The following NBAS variants were observed in gnomAD, a reference collection of about 807,000 sequenced individuals.
NBAS encodes NAG/BC035112 fusion.
In NBAS, 219 loss-of-function variants were observed where a neutral mutation model predicts 302.5. The observed-to-expected ratio is 0.72, with a 90% CI of 0.65 to 0.81. NBAS has a LOEUF of 0.81. NBAS is among the 30% of genes least tolerant of loss of function. The probability of loss-of-function intolerance (pLI) is 0.00; values close to 1 mark genes in which losing one functional copy is unlikely to be tolerated. For missense variants in NBAS, 2,932 were observed against 2,841.6 expected, an observed-to-expected ratio of 1.03 and a Z score of -0.72; for synonymous variants, 1,118 against 1,021.6, an observed-to-expected ratio of 1.09 and a Z score of -1.80.
At chr2:15,028,901 T>C in the NBAS span, among the ~76,000 whole-genome samples, 2 of 152,186 alleles carry the variant, frequency 1.3e-5, no homozygotes, top group African/African-American at 2.4e-5. Context: ...TAATTCTTTC[T>C]CTCTCCCCAG....
At chr2:15,127,477 C>A in the NBAS span, among the ~76,000 whole-genome samples, 1 of 152,146 alleles carries the variant, frequency 6.6e-6, no homozygotes, top group African/African-American at 2.4e-5. Context: ...TAATGACCTG[C>A]AATAAATCCA....
chr2:15,266,071 G>A (rs2148028503), intron 44 of NBAS, among the ~76,000 whole-genome samples: 1 of 152,296 alleles, frequency 6.6e-6, no homozygotes, highest in Admixed American at 6.5e-5. Flanking sequence ...TGCTGTGATA[G>A]TGAGTGAGTT....
At chr2:14,780,684 G>A in the NBAS span, among the ~76,000 whole-genome samples, 6 of 152,118 alleles carry the variant, frequency 3.9e-5, no homozygotes, top group African/African-American at 1.2e-4. Flanking sequence ...AGAGATCTTC[G>A]AAGGACAAGT....
Position 15,201,245 on chromosome 2 carries a change from T to C in NBAS, c.6433-10842A>G, listed in dbSNP as rs188162326. Reference sequence around the variant, plus strand: ...CTTTCATGAACACAATAAAGTCATATTGAGATGTCGTTGTATGCAAGGCTT... The same window carrying C: ...CTTTCATGAACACAATAAAGTCATACTGAGATGTCGTTGTATGCAAGGCTT... On this transcript the variant is annotated intron_variant, in intron 48 of 51. Transcript: ENST00000281513. Among the ~76,000 whole-genome samples the C allele has an allele frequency of 2.0e-3, 305 of 152,316 alleles. 1 individual carries two copies. The highest frequency in any genetic ancestry group is 0.014 in the Middle Eastern group (4 of 294).
At chr2:15,414,107 C>T (rs1676809488) in intron 25 of NBAS, among the ~76,000 whole-genome samples, 1 of 152,132 alleles carries the variant, frequency 6.6e-6, no homozygotes, top group African/African-American at 2.4e-5. Context: ...ACCTCACCAC[C>T]CCAAACTTAA....
At position 15,415,565 on chromosome 2, in the gene NBAS, A is replaced by C. The variant is rs1288579355; in HGVS notation, c.2918T>G (p.Phe973Cys). Residue 973 changes from phenylalanine (F) to cysteine (C), a missense_variant, in exon 25 of 52, where the codon TTT (phenylalanine) becomes TGT (cysteine). Coordinates refer to ENST00000281513, the MANE Select transcript of NBAS (RefSeq NM_015909.4). ...ACTTACATCTGGTTTGGAATGCTGAAATATCTTCAGGGGAAATTTTAAGTC... is the reference window on the plus strand; with the variant it reads ...ACTTACATCTGGTTTGGAATGCTGACATATCTTCAGGGGAAATTTTAAGTC... ...KGDLKFPLKI[F>C]QHSKPDLQQK... is the part of the protein sequence containing the mutation. 1 of 1,614,138 alleles carries C rather than the reference A, an allele frequency of 6.2e-7. No homozygotes were observed. Among genetic ancestry groups the C allele is most frequent in the Non-Finnish European group, 8.5e-7 (1 of 1,179,996 alleles).
chr2:14,971,392 G>A, the NBAS span, among the ~76,000 whole-genome samples: 15 of 152,204 alleles, frequency 9.9e-5, no homozygotes, highest in African/African-American at 3.6e-4. Context: ...GCACACACCT[G>A]TAATCCCAGC....
At chr2:15,267,645 C>T (rs184676480) in intron 44 of NBAS, among the ~76,000 whole-genome samples, 2 of 152,154 alleles carry the variant, frequency 1.3e-5, no homozygotes, top group Non-Finnish European at 2.9e-5. Context: ...CGAAAAAGAT[C>T]ACAAGATCTT....
At chr2:14,933,369 G>A in the NBAS span, among the ~76,000 whole-genome samples, 1 of 152,010 alleles carries the variant, frequency 6.6e-6, no homozygotes, top group Non-Finnish European at 1.5e-5. Context: ...ATCAACCTAA[G>A]CAAAGATAAA....
the NBAS span, among the ~76,000 whole-genome samples, chr2:14,948,489 C>T: frequency 5.3e-5 from 8 of 151,882 alleles, no homozygotes; most frequent in African/African-American, 1.9e-4. Context: ...AGAAACCAAT[C>T]CCATTTACAA....
intron 12 of NBAS, among the ~76,000 whole-genome samples, chr2:15,484,963 T>A (rs1185407139): frequency 1.3e-5 from 2 of 152,096 alleles, no homozygotes; most frequent in African/African-American, 4.8e-5. Flanking sequence ...AAAATTCAAA[T>A]CTAAAACATC....
chr2:14,961,214 G>A, the NBAS span, among the ~76,000 whole-genome samples: 3 of 152,140 alleles, frequency 2.0e-5, no homozygotes, highest in Non-Finnish European at 2.9e-5. Context: ...ATGGGAGTGA[G>A]AAGGAAAGGT....
intron 25 of NBAS, among the ~76,000 whole-genome samples, chr2:15,409,386 C>T (rs1455864144): frequency 6.6e-6 from 1 of 152,192 alleles, no homozygotes; most frequent in Non-Finnish European, 1.5e-5. Flanking sequence ...TCTAGTCTCT[C>T]TTCCTGGAAT....
In NBAS at chr2:15,241,591, G is replaced by GA. The variant is rs894342322; in HGVS notation, c.5725-2906dup. On this transcript the variant is annotated intron_variant, in intron 44 of 51. Coordinates refer to ENST00000281513, the MANE Select transcript of NBAS (RefSeq NM_015909.4). ...GCTTTAGTTTCTTCATCTACAAAAT[G>GA]AAAAAAAATGACCCCTGCTGCACAA... Among the ~76,000 whole-genome samples the GA allele has an allele frequency of 5.7e-4, 87 of 151,826 alleles. No individual in the cohort carries two copies. The Middle Eastern group carries it at 0.01, about 18-fold the overall frequency.
chr2:14,840,526 C>T, the NBAS span, among the ~76,000 whole-genome samples: 249 of 151,830 alleles, frequency 1.6e-3, no homozygotes, highest in African/African-American at 5.8e-3. Flanking sequence ...CTAAAAGCAG[C>T]GAGAGAAAAG....
chr2:15,390,347 G>T (rs1323482867), intron 28 of NBAS, among the ~76,000 whole-genome samples: 3 of 152,284 alleles, frequency 2.0e-5, no homozygotes, highest in Admixed American at 2.0e-4. Context: ...AAATAAATCA[G>T]ACATAGAAAA....
At position 15,553,523 on chromosome 2, in the gene NBAS, A is replaced by C. The variant is rs1664481237; in HGVS notation, c.288-50T>G. 6 of 1,433,220 alleles carry C rather than the reference A, an allele frequency of 4.2e-6. No homozygotes were observed. In the East Asian group the frequency reaches 1.4e-4, roughly 33 times the overall value. 88.8% of individuals were successfully genotyped at this position (1,433,220 alleles called of 1,614,324 possible). A position where few individuals can be genotyped will look rare whatever the true frequency, so the allele number is the denominator to read the frequency against. Reference sequence around the variant, plus strand: ...AAGAAAATCTATTATGAATATCTATAGCAGTTTTCAGCACAGATGGAATTA... The same window carrying C: ...AAGAAAATCTATTATGAATATCTATCGCAGTTTTCAGCACAGATGGAATTA... On this transcript the variant is annotated intron_variant, in intron 4 of 51. Coordinates refer to ENST00000281513, the MANE Select transcript of NBAS (RefSeq NM_015909.4).
chr2:15,420,174 A>G (rs539944085), intron 23 of NBAS, among the ~76,000 whole-genome samples: 1 of 152,308 alleles, frequency 6.6e-6, no homozygotes, highest in African/African-American at 2.4e-5. Context: ...GCCCTAGGAG[A>G]AGAGTACAAT....
chr2:15,103,828 T>C, the NBAS span, among the ~76,000 whole-genome samples: 1 of 152,178 alleles, frequency 6.6e-6, no homozygotes, highest in Non-Finnish European at 1.5e-5. Context: ...AGCTTACTTC[T>C]ATCACATGGC....
Sources: allele counts gnomAD v4.1 joint callset (sites outside exome capture counted in the v4.1 genomes callset), GRCh38; gene constraint gnomAD v4.1.1; transcripts MANE v1.5; gene names NCBI Gene and HGNC (gene_info 2026-07-23, HGNC 2026-07-21).